Variants in SAA4 observed in about 807,000 individuals in gnomAD.
SAA4 encodes the protein serum amyloid A-4 protein.
SAA4 carries 8 observed loss-of-function variants against 11.2 expected under a neutral mutation model. The observed-to-expected ratio is 0.71, with a 90% CI of 0.42 to 1.29. SAA4 has a LOEUF of 1.29. SAA4 is among the 50% of genes most tolerant of loss of function. The pLI, the probability that SAA4 is intolerant of heterozygous loss-of-function variation, is 0.01. For missense variants in SAA4, 171 were observed against 164.2 expected, an observed-to-expected ratio of 1.04 and a Z score of -0.23; for synonymous variants, 60 against 56.2, an observed-to-expected ratio of 1.07 and a Z score of -0.30.
intron 1 of SAA4, among the ~76,000 whole-genome samples, 163 bp from the exon 2 acceptor site, chr11:18,236,093 T>C (rs1857205801): frequency 6.6e-6 from 1 of 151,732 alleles, no homozygotes; most frequent in Non-Finnish European, 1.5e-5. Flanking sequence ...TTTTTTCCTA[T>C]TGCCCAGGCT....
intron 3 of SAA4, among the ~76,000 whole-genome samples, chr11:18,232,022 C>T (rs758072363): frequency 4.0e-5 from 6 of 151,750 alleles, no homozygotes; most frequent in South Asian, 4.2e-4. Context: ...GCTGGGACTA[C>T]GGTGCATGCC....
chr11:18,231,599 A>G lies in SAA4; in HGVS notation c.296T>C (p.Leu99Ser). The G allele has an allele frequency of 1.2e-6, 2 of 1,614,174 alleles. No individual in the cohort carries two copies. Among genetic ancestry groups the G allele is most frequent in the East Asian group, 2.2e-5 (1 of 44,876 alleles). ...CYLFGNSSTV[L>S]EDSKSNEKAE... Reference sequence around the variant, plus strand: ...TTTCTCGTTGGACTTCGAGTCCTCCAATACAGTGCTGCTGTTTCCAAATAA... The same window carrying G: ...TTTCTCGTTGGACTTCGAGTCCTCCGATACAGTGCTGCTGTTTCCAAATAA... Residue 99 changes from leucine (L) to serine (S), a missense_variant, in exon 4 of 4, where the codon TTG (leucine) becomes TCG (serine). Physicochemically the swap from Leu to Ser is moderately radical, Grantham distance 145. Coordinates refer to ENST00000278222, the MANE Select transcript of SAA4 (RefSeq NM_006512.4).
In SAA4 at chr11:18,232,440, G is replaced by A; in HGVS notation, c.185C>T (p.Ala62Val). The A allele has an allele frequency of 1.9e-6, 3 of 1,614,186 alleles. No individual in the cohort carries two copies. Among genetic ancestry groups the A allele is most frequent in the Non-Finnish European group, 2.5e-6 (3 of 1,180,030 alleles). The change falls in exon 3 of 4, where the codon GCT becomes GTT. Residue 62 changes from alanine (A) to valine (V), a missense_variant. Coordinates refer to ENST00000278222, the MANE Select transcript of SAA4 (RefSeq NM_006512.4). Reference protein sequence around the residue: ...RYLYARGNYDAAQRGPGGVWA... With the variant: ...RYLYARGNYDVAQRGPGGVWA... ...GACACCCCCAGGTCCTCTTTGGGCA[G>A]CATCATAGTTTCCCCGAGCATAGAG...
intron 2 of SAA4, among the ~76,000 whole-genome samples, chr11:18,232,953 A>G (rs192618548): frequency 7.9e-5 from 12 of 152,384 alleles, no homozygotes; most frequent in African/African-American, 2.9e-4. Flanking sequence ...AATGGAGAAT[A>G]GTACTACAGA....
rs1590004628 is a variant in SAA4, at chr11:18,231,642, C to T, written c.253G>A (p.Gly85Arg). ...CCAAATAAATAGCAGTCTATTAATC[C>T]CTGAAGATAGACCCTGGAACGGCTG... The part of the protein sequence containing the change: ...LISRSRVYLQ[G>R]LIDCYLFGNS... The change falls in exon 4 of 4, where the codon GGA becomes AGA. Residue 85 changes from glycine (G) to arginine (R), a missense_variant. By Grantham distance (125) the Gly-to-Arg change is moderately radical. Transcript: ENST00000278222. 4 of 1,613,526 alleles carry T rather than the reference C, an allele frequency of 2.5e-6. No individual in the cohort carries two copies. The East Asian group carries it at 8.9e-5, about 36-fold the overall frequency.
At chr11:18,236,143 C>A (rs1430301977) in intron 1 of SAA4, among the ~76,000 whole-genome samples, 5 of 151,322 alleles carry the variant, frequency 3.3e-5, no homozygotes, top group African/African-American at 4.9e-5. Flanking sequence ...GCAGCCTCGA[C>A]CTTCTGGGCT....
chr11:18,233,517 T>C (rs1172563852), intron 2 of SAA4, among the ~76,000 whole-genome samples: 1 of 152,126 alleles, frequency 6.6e-6, no homozygotes, highest in African/African-American at 2.4e-5. Flanking sequence ...TGGGTTTTGT[T>C]TTTTGTTTTG....
At chr11:18,236,655 A>C (rs2134128907) in intron 1 of SAA4, 62 bp downstream of exon 1, 1 of 152,342 alleles carries the variant, frequency 6.6e-6, no homozygotes, top group East Asian at 1.9e-4. Context: ...TTTGACAATT[A>C]TGTGAGAAAA....
At chr11:18,233,561 G>T (rs1466924912) in intron 2 of SAA4, among the ~76,000 whole-genome samples, 1 of 152,162 alleles carries the variant, frequency 6.6e-6, no homozygotes, top group East Asian at 1.9e-4. Flanking sequence ...ACCCAGGCTG[G>T]AGTGCAGTGG....
chr11:18,234,174 C>T (rs1052119124), intron 2 of SAA4, among the ~76,000 whole-genome samples: 2 of 152,022 alleles, frequency 1.3e-5, no homozygotes, highest in Non-Finnish European at 1.5e-5. Flanking sequence ...GAAACAAAGC[C>T]GGATACAAAA....
intron 3 of SAA4, 92 bp downstream of exon 3, chr11:18,232,303 T>G (rs1182795745): frequency 6.5e-7 from 1 of 1,539,196 alleles, no homozygotes; most frequent in Non-Finnish European, 8.8e-7. Context: ...CAGGAGTATG[T>G]GGAGGAGGGG....
intron 3 of SAA4, 120 bp from the exon 4 acceptor site, chr11:18,231,784 G>A: frequency 7.8e-7 from 1 of 1,280,896 alleles, no homozygotes; most frequent in Non-Finnish European, 1.0e-6. Context: ...GAGGAGGCTG[G>A]AAAACTCAAG....
chr11:18,232,107 C>T (rs1346725728), intron 3 of SAA4, among the ~76,000 whole-genome samples: 3 of 152,126 alleles, frequency 2.0e-5, no homozygotes, highest in Middle Eastern at 3.4e-3. Context: ...GCTCTTAAAT[C>T]CCTGGGCCCA....
At chr11:18,236,109 G>T (rs1266652483) in intron 1 of SAA4, among the ~76,000 whole-genome samples, 179 bp from the exon 2 acceptor site, 4 of 146,316 alleles carry the variant, frequency 2.7e-5, no homozygotes, top group African/African-American at 5.1e-5. Context: ...AGGCTAAAGT[G>T]CAATGATATG....
chr11:18,231,564 A>C lies in SAA4; in HGVS notation c.331T>G (p.Trp111Gly). 6.2e-7 allele frequency: 1 copy of C among 1,614,072 alleles called. No homozygotes were observed. The highest frequency in any genetic ancestry group is 8.5e-7 in the Non-Finnish European group (1 of 1,180,008). ...TCGGGGTCTTTGCCACTCCGGCCCCATTCCTCAGCTTTCTCGTTGGACTTC... is the reference window on the plus strand; with the variant it reads ...TCGGGGTCTTTGCCACTCCGGCCCCCTTCCTCAGCTTTCTCGTTGGACTTC... ...DSKSNEKAEE[W>G]GRSGKDPDRF... Residue 111 changes from tryptophan (W) to glycine (G), a missense_variant, in exon 4 of 4, where the codon TGG (tryptophan) becomes GGG (glycine). By Grantham distance (184) the Trp-to-Gly change is radical. Coordinates refer to ENST00000278222, the MANE Select transcript of SAA4 (RefSeq NM_006512.4).
In SAA4 at chr11:18,235,937, A is replaced by C. The variant is rs1857201854; in HGVS notation, c.-4-7T>G. 3 of 1,605,134 alleles carry C rather than the reference A, an allele frequency of 1.9e-6. No individual in the cohort carries two copies. Among genetic ancestry groups the C allele is most frequent in the Admixed American group, 1.7e-5 (1 of 58,986 alleles). On this transcript the variant is annotated splice_region_variant and splice_polypyrimidine_tract_variant and intron_variant, in intron 1 of 3. Transcript: ENST00000278222. ...TGTGAAAAGCCTCATTGTGCTGAAGAGAAAGAAAGACAGGGGCAGAGGATC... is the reference window on the plus strand; with the variant it reads ...TGTGAAAAGCCTCATTGTGCTGAAGCGAAAGAAAGACAGGGGCAGAGGATC...
At position 18,236,508 on chromosome 11, in the gene SAA4, C is replaced by T. The variant is rs139514117; in HGVS notation, c.-5+209G>A. Among the ~76,000 whole-genome samples, 7 of 152,252 alleles carry T rather than the reference C, an allele frequency of 4.6e-5. No individual in the cohort carries two copies. In the South Asian group the frequency reaches 1.0e-3, roughly 23 times the overall value. The stretch of plus-strand genomic sequence containing the variant: ...TCTAGAAAGAATAAGAGGATTCCAA[C>T]GTGTTATTTGGTCTGTGGTCAATTT... On this transcript the variant is annotated intron_variant, in intron 1 of 3. Coordinates refer to ENST00000278222, the MANE Select transcript of SAA4 (RefSeq NM_006512.4).
At chr11:18,231,887 T>A (rs1857140709) in intron 3 of SAA4, among the ~76,000 whole-genome samples, 1 of 146,414 alleles carries the variant, frequency 6.8e-6, no homozygotes, top group Non-Finnish European at 1.5e-5. Context: ...TTTTTTTTTT[T>A]TTTTTTTTTT....
At chr11:18,233,612 A>C (rs1369176973) in intron 2 of SAA4, among the ~76,000 whole-genome samples, 2 of 151,932 alleles carry the variant, frequency 1.3e-5, no homozygotes, top group African/African-American at 4.8e-5. Context: ...CCTGGGCTCA[A>C]GTGATCATCC....
Sources: gnomAD v4.1 joint callset for allele counts (sites outside exome capture counted in the v4.1 genomes callset) on GRCh38, gnomAD v4.1.1 for gene constraint, MANE v1.5 for transcripts, NCBI Gene and HGNC (gene_info 2026-07-23, HGNC 2026-07-21) for gene names.